POLG: variants seen among roughly 807,000 people sequenced by gnomAD.
POLG encodes DNA polymerase subunit gamma-1.
POLG carries 110 observed loss-of-function variants against 155.4 expected under a neutral mutation model. That is an observed-to-expected ratio of 0.71 (90% CI 0.61 to 0.83). The LOEUF (loss-of-function observed/expected upper bound fraction) is 0.83, where lower values mean the gene tolerates loss of function less well. Ranked by LOEUF, POLG falls within the 40% of genes least tolerant of loss-of-function variation. The pLI, the probability that POLG is intolerant of heterozygous loss-of-function variation, is 0.00. For synonymous variants in POLG, 701 were observed against 631.5 expected (o/e 1.11, Z -1.65); for missense variants, 1,685 against 1,627.5 (o/e 1.04, Z -0.61).
chr15:89,320,987 T>C lies in POLG; in HGVS notation c.2760A>G (p.Thr920=), dbSNP rs758811917. 3 of 1,613,874 alleles carry C rather than the reference T, an allele frequency of 1.9e-6. No homozygotes were observed. In the South Asian group the frequency reaches 3.3e-5, roughly 18 times the overall value. Reference sequence around the variant, plus strand: ...TGCCCCTGCTCTTCCTGCCCTGCAGTGTCATCCACCCAAAGGCTGTGCAGC... The same window carrying C: ...TGCCCCTGCTCTTCCTGCCCTGCAGCGTCATCCACCCAAAGGCTGTGCAGC... ...MHGCTAFGWM[T]LQGRKSRGTD... is the part of the protein sequence containing the mutation. The change falls in exon 18 of 23, where the codon ACA becomes ACG. Residue 920 remains threonine (T), a synonymous_variant. Coordinates refer to ENST00000268124, the MANE Select transcript of POLG (RefSeq NM_002693.3).
chr15:89,325,298 G>GAA lies in POLG; in HGVS notation c.1949+151_1949+152insTT. 1.7e-4 allele frequency: 95 copies of GAA among 560,186 alleles called. 2 individuals are homozygous for GAA. The highest frequency in any genetic ancestry group is 4.8e-4 in the Middle Eastern group (1 of 2,100). The allele number at this position is 560,186 out of a possible 1,614,324, so 34.7% of individuals were successfully genotyped here. ...AGAGAGAGAGAAAGAGAGAGAGAGAGGGTGTGTGTGTGTGTGTTAATTTTT... is the reference window on the plus strand; with the variant it reads ...AGAGAGAGAGAAAGAGAGAGAGAGAGAAGGTGTGTGTGTGTGTGTTAATTTTT... On this transcript the variant is annotated intron_variant, in intron 10 of 22. Coordinates refer to ENST00000268124, the MANE Select transcript of POLG (RefSeq NM_002693.3).
chr15:89,325,740 G>A (rs2055508749), intron 9 of POLG, 54 bp from the exon 10 acceptor site: 2 of 1,354,348 alleles, frequency 1.5e-6, no homozygotes, highest in Non-Finnish European at 1.0e-6. Flanking sequence ...AGTTGTTGGG[G>A]GGAAGGTTCT....
At position 89,321,799 on chromosome 15, in the gene POLG, C is replaced by T; in HGVS notation, c.2535G>A (p.Val845=). Residue 845 remains valine, a synonymous_variant, in exon 16 of 23, where the codon GTG becomes GTA. Coordinates refer to ENST00000268124, the MANE Select transcript of POLG (RefSeq NM_002693.3). ...CCCGGCGAGTGATGGTGCCGGCAGT[C>T]ACCACTTGGGGCAGGATGGCCCCAT... ...GLYGAILPQV[V]TAGTITRRAV... 2 of 1,614,148 alleles carry T rather than the reference C, an allele frequency of 1.2e-6. No individual in the cohort carries two copies. The highest frequency in any genetic ancestry group is 1.7e-6 in the Non-Finnish European group (2 of 1,180,030).
intron 21 of POLG, chr15:89,317,795 A>G (rs775257746): frequency 1.9e-6 from 1 of 512,852 alleles, no homozygotes. Flanking sequence ...CACTTTATTA[A>G]TTAATATACG....
At position 89,333,862 on chromosome 15, in the gene POLG, GCTCTC is replaced by G; in HGVS notation, c.-113_-109del. On this transcript the variant is annotated 5_prime_UTR_variant, in exon 2 of 23. It removes the in-frame stop codon of an upstream open reading frame in the 5' UTR. Transcript: ENST00000268124. ...GTGGAGAGAGACACGTCCTGTCTCT[GCTCTC>G]CTGTCAGTGAAATGGGTTTGACCAT... The G allele has an allele frequency of 7.6e-7, 1 of 1,308,206 alleles. No individual in the cohort carries two copies. Among genetic ancestry groups the G allele is most frequent in the Non-Finnish European group, 1.1e-6 (1 of 943,246 alleles). The allele number at this position is 1,308,206 out of a possible 1,614,324, so 81.0% of individuals were successfully genotyped here. A position where few individuals can be genotyped will look rare whatever the true frequency, so the allele number is the denominator to read the frequency against.
At chr15:89,332,098 A>G (rs2238296) in intron 2 of POLG, 69,881 of 152,076 alleles carry the variant, frequency 0.46, 17,149 homozygotes, top group African/African-American at 0.64. Context: ...ATGATGGCCG[A>G]TATTCCCCTT....
Position 89,319,007 on chromosome 15 carries a change from G to A in POLG, c.3197C>T (p.Thr1066Met), listed in dbSNP as rs750794449. 9.3e-6 allele frequency: 15 copies of A among 1,614,100 alleles called. No homozygotes were observed. Among genetic ancestry groups the A allele is most frequent in the Middle Eastern group, 1.6e-4 (1 of 6,062 alleles). The part of the protein sequence containing the change: ...EMFNKLESIA[T>M]SDIPRTPVLG... ...CACCGGGGTACGTGGTATGTCAGAC[G>A]TAGCAATGCTCTCAAGCTTATTGAA... Residue 1066 changes from threonine (T) to methionine (M), a missense_variant, in exon 20 of 23, where the codon ACG becomes ATG. Around this residue, in one of 3 missense-constraint regions of POLG, gnomAD observed 470 missense variants for 439.9 expected, o/e 1.07. Coordinates refer to ENST00000268124, the MANE Select transcript of POLG (RefSeq NM_002693.3).
chr15:89,328,982 T>A lies in POLG; in HGVS notation c.984A>T (p.Gln328His). ...TGGCTTTCCTCTGGGACTTCTGGCC[T>A]TGCTTTGTGGGGGGCTGGACCTTGT... ...GKHKVQPPTK[Q>H]GQKSQRKARR... Residue 328 changes from glutamine to histidine, a missense_variant, in exon 4 of 23, where the codon CAA (glutamine) becomes CAT (histidine). By Grantham distance (24) the Gln-to-His change is conservative. Transcript: ENST00000268124. The A allele has an allele frequency of 6.2e-7, 1 of 1,613,858 alleles. No individual in the cohort carries two copies. The highest frequency in any genetic ancestry group is 1.1e-5 in the South Asian group (1 of 91,064).
intron 21 of POLG, 99 bp downstream of exon 21, chr15:89,318,442 G>A (rs756772299): frequency 1.2e-5 from 11 of 908,938 alleles, no homozygotes; most frequent in Admixed American, 1.9e-5. Context: ...CTTCTAGGGG[G>A]ATGAAAAGTC....
chr15:89,332,904 T>A (rs1403853034), intron 2 of POLG, among the ~76,000 whole-genome samples, 192 bp downstream of exon 2: 1 of 152,190 alleles, frequency 6.6e-6, no homozygotes, highest in Non-Finnish European at 1.5e-5. Context: ...ACTTGGGTAT[T>A]TGCTTACTGC....
In POLG at chr15:89,325,505, C is replaced by G; in HGVS notation, c.1894G>C (p.Ala632Pro). The G allele has an allele frequency of 6.2e-7, 1 of 1,610,524 alleles. No homozygotes were observed. The highest frequency in any genetic ancestry group is 2.2e-5 in the East Asian group (1 of 44,870). The change falls in exon 10 of 23, where the codon GCC (alanine) becomes CCC (proline). Residue 632 changes from alanine (A) to proline (P), a missense_variant. Physicochemically the swap from Ala to Pro is conservative, Grantham distance 27. This residue lies in a region of POLG where 1,210 missense variants were observed against 1,167.1 expected (regional missense o/e 1.04). Coordinates refer to ENST00000268124, the MANE Select transcript of POLG (RefSeq NM_002693.3). ...YLVPGRRDNL[A>P]KLPTGTTLES... ...AGGGTGGTACCTGTCGGCAGCTTGG[C>G]CAGGTTGTCCCGCCGCCCAGGCACC...
At chr15:89,333,026 T>A in intron 2 of POLG, 70 bp downstream of exon 2, 1 of 1,487,346 alleles carries the variant, frequency 6.7e-7, no homozygotes, top group Non-Finnish European at 8.9e-7. Context: ...CCTCAGAAAA[T>A]GTTCACTGAA....
chr15:89,330,357 C>T, intron 2 of POLG, 81 bp from the exon 3 acceptor site: 1 of 1,090,608 alleles, frequency 9.2e-7, no homozygotes, highest in Non-Finnish European at 1.4e-6. Context: ...CACCTACCGC[C>T]ACATGCCAGA....
intron 22 of POLG, 177 bp from the exon 23 acceptor site, chr15:89,317,004 CTTAGATATATT>C (rs990138732): frequency 1.2e-4 from 73 of 629,128 alleles, no homozygotes; most frequent in African/African-American, 1.1e-3. Context: ...ATAAGTGTGT[CTTAGATATATT>C]TTAAATAGAA....
rs1359284445 is a variant in POLG, at chr15:89,325,163, TGAGTGAGA to T, written c.1949+279_1949+286del. ...GTGAGAGAGTGAGTGAGTGAGTGAG[TGAGTGAGA>T]GAGTGAGAGAGTGAGTGAGTGAGAG... is the stretch of plus-strand genomic sequence containing the variant. On this transcript the variant is annotated intron_variant, in intron 10 of 22. Coordinates refer to ENST00000268124, the MANE Select transcript of POLG (RefSeq NM_002693.3). Among the ~76,000 whole-genome samples the T allele has an allele frequency of 5.6e-3, 270 of 48,186 alleles. 43 individuals are homozygous for T. The highest frequency in any genetic ancestry group is 0.033 in the East Asian group (52 of 1,592). 31.6% of individuals were successfully genotyped at this position (48,186 alleles called of 152,430 possible). A position where few individuals can be genotyped will look rare whatever the true frequency, so the allele number is the denominator to read the frequency against.
At chr15:89,320,329 A>C (rs1212172706) in intron 18 of POLG, among the ~76,000 whole-genome samples, 1 of 152,194 alleles carries the variant, frequency 6.6e-6, no homozygotes, top group Admixed American at 6.5e-5. Flanking sequence ...TAGGCTAAGT[A>C]ACCTGGAGGC....
At chr15:89,329,965 C>T (rs926308692) in intron 3 of POLG, 116 bp downstream of exon 3, 98 of 897,116 alleles carry the variant, frequency 1.1e-4, no homozygotes, top group Admixed American at 1.3e-4. Context: ...CGCCTTGCGG[C>T]TTCAGCAAAG....
In POLG at chr15:89,328,826, T is replaced by C. The variant is rs1431879022; in HGVS notation, c.1029A>G (p.Ser343=). The change falls in exon 5 of 23, where the codon TCA becomes TCG. Residue 343 remains serine, a synonymous_variant. Transcript: ENST00000268124. The stretch of plus-strand genomic sequence containing the variant: ...TGCTGATGTCCAGCCAGTCCCAGGA[T>C]GAGATCTGGGGAACCAGAGCAAGGG... ...QRKARRGPAI[S]SWDWLDISSV... 6.2e-7 allele frequency: 1 copy of C among 1,611,414 alleles called. No individual in the cohort carries two copies. Among genetic ancestry groups the C allele is most frequent in the Non-Finnish European group, 8.5e-7 (1 of 1,177,720 alleles).
chr15:89,322,080 C>G, intron 14 of POLG, 65 bp from the exon 15 acceptor site: 10 of 1,471,182 alleles, frequency 6.8e-6, no homozygotes, highest in South Asian at 1.1e-5. Flanking sequence ...CCACATCCCA[C>G]CATGGCCCTC....
Sources: gnomAD v4.1 joint callset for allele counts (sites outside exome capture counted in the v4.1 genomes callset) on GRCh38, gnomAD v4.1.1 for gene constraint, gnomAD v4.1.1 regional missense constraint, MANE v1.5 for transcripts, NCBI Gene and HGNC (gene_info 2026-07-23, HGNC 2026-07-21) for gene names.